SLC1A2: variants seen among roughly 807,000 people sequenced by gnomAD.
The protein encoded by SLC1A2 is excitatory amino acid transporter 2.
SLC1A2 carries 15 observed loss-of-function variants against 48.8 expected under a neutral mutation model. That is an observed-to-expected ratio of 0.31 (90% CI 0.21 to 0.47). The LOEUF (loss-of-function observed/expected upper bound fraction) is 0.47. Ranked by LOEUF, SLC1A2 falls within the 20% of genes least tolerant of loss-of-function variation. SLC1A2 has a pLI of 0.99. For missense variants in SLC1A2, 502 were observed against 730.5 expected (o/e 0.69, Z 3.61); for synonymous variants, 279 against 272.6 (o/e 1.02, Z -0.23).
chr11:35,324,940 T>C (rs778171115), intron 1 of SLC1A2, among the ~76,000 whole-genome samples: 20 of 152,144 alleles, frequency 1.3e-4, no homozygotes, highest in Non-Finnish European at 2.4e-4. Flanking sequence ...CATCTCAAAT[T>C]GGGAACCTCT....
intron 4 of SLC1A2, among the ~76,000 whole-genome samples, chr11:35,310,023 G>A (rs1851639394): frequency 6.6e-6 from 1 of 152,172 alleles, no homozygotes; most frequent in Admixed American, 6.5e-5. Flanking sequence ...CCTTTGCCAT[G>A]GGCAGCTGCA....
chr11:35,279,760 A>C (rs1850563471), intron 9 of SLC1A2, among the ~76,000 whole-genome samples: 1 of 152,228 alleles, frequency 6.6e-6, no homozygotes. Flanking sequence ...TCATCTATAA[A>C]GTGGGAATAA....
intron 4 of SLC1A2, 87 bp from the exon 5 acceptor site, chr11:35,306,329 G>A: frequency 9.7e-7 from 1 of 1,027,566 alleles, no homozygotes; most frequent in Non-Finnish European, 1.4e-6. Flanking sequence ...TATATTTTAA[G>A]GTTCCCAACA....
intron 1 of SLC1A2, among the ~76,000 whole-genome samples, chr11:35,399,337 C>T (rs542479339): frequency 7.2e-5 from 11 of 152,286 alleles, no homozygotes; most frequent in African/African-American, 2.4e-4. Context: ...GTTAAGTACT[C>T]TAATTATAAA....
At chr11:35,366,710 G>T (rs1255075174) in intron 1 of SLC1A2, among the ~76,000 whole-genome samples, 1 of 152,080 alleles carries the variant, frequency 6.6e-6, no homozygotes, top group African/African-American at 2.4e-5. Flanking sequence ...CTGCTCCTAG[G>T]AACCCAAACC....
At chr11:35,341,247 G>C (rs974860938) in intron 1 of SLC1A2, among the ~76,000 whole-genome samples, 1 of 152,084 alleles carries the variant, frequency 6.6e-6, no homozygotes, top group African/African-American at 2.4e-5. Flanking sequence ...GGGAGAAGTG[G>C]GGGTAACGAG....
At chr11:35,376,103 G>T (rs1854220628) in intron 1 of SLC1A2, among the ~76,000 whole-genome samples, 1 of 152,038 alleles carries the variant, frequency 6.6e-6, no homozygotes, top group African/African-American at 2.4e-5. Context: ...TGGATCCTTG[G>T]CCTAAACAGT....
intron 6 of SLC1A2, among the ~76,000 whole-genome samples, chr11:35,295,372 G>A (rs571451779): frequency 6.6e-6 from 1 of 152,190 alleles, no homozygotes; most frequent in East Asian, 1.9e-4. Flanking sequence ...AACAACTTAG[G>A]CCTTCACTCC....
chr11:35,324,903 A>G (rs941290787), intron 1 of SLC1A2, among the ~76,000 whole-genome samples: 11 of 152,196 alleles, frequency 7.2e-5, no homozygotes, highest in South Asian at 2.1e-4. Flanking sequence ...CCAGGGCCCA[A>G]TGAGAGACTG....
At chr11:35,280,838 C>T (rs1356688212) in intron 9 of SLC1A2, 29 bp downstream of exon 9, 1 of 1,532,526 alleles carries the variant, frequency 6.5e-7, no homozygotes, top group Admixed American at 1.9e-5. Context: ...ACTCACAGTC[C>T]CAGCAGAACC....
chr11:35,387,961 G>A (rs758880272), intron 1 of SLC1A2, among the ~76,000 whole-genome samples: 6 of 152,086 alleles, frequency 3.9e-5, no homozygotes, highest in Non-Finnish European at 7.4e-5. Flanking sequence ...GCAACTAATC[G>A]TTACTACAAC....
chr11:35,367,480 A>G (rs1853891239), intron 1 of SLC1A2, among the ~76,000 whole-genome samples: 2 of 152,234 alleles, frequency 1.3e-5, no homozygotes, highest in African/African-American at 4.8e-5. Flanking sequence ...TGAAGACCAA[A>G]GCAAACTCCA....
intron 1 of SLC1A2, among the ~76,000 whole-genome samples, chr11:35,335,262 T>A (rs1852586750): frequency 6.6e-6 from 1 of 152,142 alleles, no homozygotes; most frequent in South Asian, 2.1e-4. Flanking sequence ...AACCTCAACC[T>A]CATAGCTGCT....
intron 10 of SLC1A2, 151 bp from the exon 11 acceptor site, chr11:35,261,116 T>C: frequency 1.5e-6 from 1 of 673,612 alleles, no homozygotes; most frequent in East Asian, 2.7e-5. Context: ...AATTTGAACC[T>C]GTCTTGGGTT....
chr11:35,317,681 G>A (rs1230262132), intron 1 of SLC1A2, among the ~76,000 whole-genome samples, 165 bp from the exon 2 acceptor site: 1 of 152,162 alleles, frequency 6.6e-6, no homozygotes, highest in Non-Finnish European at 1.5e-5. Flanking sequence ...AGGACAGGAG[G>A]ACACACTGAG....
intron 1 of SLC1A2, among the ~76,000 whole-genome samples, chr11:35,408,025 A>C (rs1186153687): frequency 6.6e-6 from 1 of 152,206 alleles, no homozygotes; most frequent in Non-Finnish European, 1.5e-5. Context: ...AGTATGCTGA[A>C]CCAAATTCAC....
chr11:35,251,373 AG>A lies in SLC1A2; in HGVS notation c.*9520del, dbSNP rs1407662309. 6.5e-6 allele frequency: 1 copy of A among 152,686 alleles called. No homozygotes were observed. Among genetic ancestry groups the A allele is most frequent in the Admixed American group, 6.5e-5 (1 of 15,284 alleles). The allele number at this position is 152,686 out of a possible 1,614,324, so 9.5% of individuals were successfully genotyped here. A position where few individuals can be genotyped will look rare whatever the true frequency, so the allele number is the denominator to read the frequency against. ...ATTGTAAGAAAGCTTAGAAAGCTAA[AG>A]GCGAAAACAAAAGACCTCAACTACC... On this transcript the variant is annotated 3_prime_UTR_variant, in exon 11 of 11. Transcript: ENST00000278379.
At chr11:35,305,120 C>T (rs974153335) in intron 5 of SLC1A2, among the ~76,000 whole-genome samples, 1 of 152,154 alleles carries the variant, frequency 6.6e-6, no homozygotes, top group African/African-American at 2.4e-5. Flanking sequence ...CTCGGGGACA[C>T]CATTCTAGTG....
At chr11:35,353,846 T>C (rs1853358076) in intron 1 of SLC1A2, among the ~76,000 whole-genome samples, 1 of 152,314 alleles carries the variant, frequency 6.6e-6, no homozygotes, top group East Asian at 1.9e-4. Context: ...CCTATTTCAA[T>C]TACAGGCCAA....
Sources: allele counts gnomAD v4.1 joint callset (sites outside exome capture counted in the v4.1 genomes callset), GRCh38; gene constraint gnomAD v4.1.1; transcripts MANE v1.5; gene names NCBI Gene and HGNC (gene_info 2026-07-23, HGNC 2026-07-21).